Variants in CPXM2 observed in about 807,000 individuals in gnomAD.
CPXM2 encodes inactive carboxypeptidase-like protein X2.
In CPXM2, 66 loss-of-function variants were observed where a neutral mutation model predicts 86.1. The observed-to-expected ratio is 0.77, with a 90% confidence interval of 0.63 to 0.94. The LOEUF is 0.94. Ranked by LOEUF, CPXM2 falls within the 40% of genes least tolerant of loss-of-function variation. The probability of loss-of-function intolerance (pLI) is 0.00; values close to 1 mark genes in which losing one functional copy is unlikely to be tolerated. For synonymous variants in CPXM2, 388 were observed against 400.2 expected, an observed-to-expected ratio of 0.97 and a Z score of 0.36; for missense variants, 948 against 1,026.3, an observed-to-expected ratio of 0.92 and a Z score of 1.04.
intron 4 of CPXM2, among the ~76,000 whole-genome samples, chr10:123,812,549 A>C (rs904595847): frequency 6.6e-6 from 1 of 152,192 alleles, no homozygotes; most frequent in Non-Finnish European, 1.5e-5. Flanking sequence ...CTAACAGGAC[A>C]ATATTCTAGC....
intron 10 of CPXM2, among the ~76,000 whole-genome samples, chr10:123,763,523 G>A (rs906447808): frequency 4.6e-5 from 7 of 151,082 alleles, no homozygotes; most frequent in East Asian, 1.9e-4. Context: ...AAAATATATC[G>A]TTTGGGTTTA....
At chr10:123,853,173 T>G (rs1298512821) in intron 3 of CPXM2, among the ~76,000 whole-genome samples, 1 of 152,166 alleles carries the variant, frequency 6.6e-6, no homozygotes, top group Non-Finnish European at 1.5e-5. Context: ...ATGTAAGCAG[T>G]GCCTGCCTCC....
intron 3 of CPXM2, chr10:123,843,315 A>G (rs1040092454): frequency 2.6e-5 from 12 of 454,778 alleles, no homozygotes; most frequent in Non-Finnish European, 4.4e-5. Context: ...TTTTCTCTAT[A>G]TTATCACCAT....
intron 3 of CPXM2, among the ~76,000 whole-genome samples, chr10:123,861,671 G>A (rs544082071): frequency 7.2e-5 from 11 of 152,216 alleles, no homozygotes; most frequent in Admixed American, 7.2e-4. Flanking sequence ...TGCCTTTGCT[G>A]GCTCTGAAGA....
chr10:123,887,058 T>C (rs1249768895), intron 1 of CPXM2: 1 of 152,164 alleles, frequency 6.6e-6, no homozygotes, highest in Non-Finnish European at 1.5e-5. Flanking sequence ...ATCTAGAAAC[T>C]GTCAAATTCA....
chr10:123,799,028 C>T, intron 5 of CPXM2, 87 bp downstream of exon 5: 2 of 1,470,372 alleles, frequency 1.4e-6, no homozygotes, highest in Admixed American at 3.4e-5. Context: ...CCACAAATCT[C>T]CAAAGAGTTG....
At chr10:123,808,266 T>C (rs1847621234) in intron 4 of CPXM2, among the ~76,000 whole-genome samples, 1 of 152,142 alleles carries the variant, frequency 6.6e-6, no homozygotes, top group Non-Finnish European at 1.5e-5. Context: ...CTTCTACTAG[T>C]GTACAACTAG....
chr10:123,847,434 G>A (rs940003364), intron 3 of CPXM2, among the ~76,000 whole-genome samples: 1 of 152,076 alleles, frequency 6.6e-6, no homozygotes, highest in Non-Finnish European at 1.5e-5. Context: ...GCTGAGGCAG[G>A]AGAATTGCTT....
At chr10:123,857,582 G>GCTGAGTT (rs1341106169) in intron 3 of CPXM2, among the ~76,000 whole-genome samples, 6 of 144,256 alleles carry the variant, frequency 4.2e-5, no homozygotes, top group South Asian at 2.5e-4. Context: ...GCGTGGAGAT[G>GCTGAGTT]GAAGGCGGCG....
chr10:123,826,512 T>A (rs1165718440), intron 4 of CPXM2, among the ~76,000 whole-genome samples: 1 of 150,230 alleles, frequency 6.7e-6, no homozygotes, highest in East Asian at 2.0e-4. Context: ...GAAGGAGGAG[T>A]AGAGGAAGGG....
intron 1 of CPXM2, among the ~76,000 whole-genome samples, chr10:123,887,392 T>C (rs577586524): frequency 6.6e-6 from 1 of 152,234 alleles, no homozygotes; most frequent in South Asian, 2.1e-4. Context: ...ACAGTGGTGG[T>C]GGTTCCATGA....
chr10:123,892,795 G>T (rs573476148), upstream of CPXM2, among the ~76,000 whole-genome samples: 8 of 152,188 alleles, frequency 5.3e-5, no homozygotes, highest in African/African-American at 1.2e-4. Flanking sequence ...TAGGACTGAC[G>T]TGCAGTTCAC....
At chr10:123,799,776 C>T (rs1314026337) in intron 4 of CPXM2, among the ~76,000 whole-genome samples, 2 of 152,124 alleles carry the variant, frequency 1.3e-5, no homozygotes, top group Non-Finnish European at 2.9e-5. Context: ...GATGGCTGGA[C>T]CCAAATAAAT....
intron 4 of CPXM2, among the ~76,000 whole-genome samples, chr10:123,826,456 A>C (rs1248728965): frequency 6.6e-6 from 1 of 152,228 alleles, no homozygotes; most frequent in African/African-American, 2.4e-5. Context: ...AACATTTAAC[A>C]ATGCAAAGGT....
rs570728181 is a variant in CPXM2, at chr10:123,750,184, G to A, written c.2018-3167C>T. The A allele has an allele frequency of 4.6e-3, 4,573 of 985,232 alleles. 13 individuals are homozygous for A. The highest frequency in any genetic ancestry group is 5.2e-3 in the Non-Finnish European group (4,304 of 829,886). The allele number at this position is 985,232 out of a possible 1,614,324, so 61.0% of individuals were successfully genotyped here. A position where few individuals can be genotyped will look rare whatever the true frequency, so the allele number is the denominator to read the frequency against. ...TTCAAGAAATTTGTTCTGTCCTTGT[G>A]GCCCTGTCAGATAAGCCCTCTAATT... On this transcript the variant is annotated intron_variant, in intron 13 of 13. Coordinates refer to ENST00000241305, the MANE Select transcript of CPXM2 (RefSeq NM_198148.3).
At chr10:123,879,511 C>G (rs1945046855) in intron 2 of CPXM2, among the ~76,000 whole-genome samples, 1 of 152,044 alleles carries the variant, frequency 6.6e-6, no homozygotes, top group South Asian at 2.1e-4. Flanking sequence ...CAGGGGGGCA[C>G]TAGGGGATGC....
At chr10:123,782,095 A>T (rs1023236385) in intron 6 of CPXM2, among the ~76,000 whole-genome samples, 4 of 152,248 alleles carry the variant, frequency 2.6e-5, no homozygotes, top group Non-Finnish European at 5.9e-5. Flanking sequence ...TTGTCCACAC[A>T]AGAAAGCAAA....
At chr10:123,757,453 G>GGCCT (rs1287527386) in intron 11 of CPXM2, 101 bp from the exon 12 acceptor site, 2 of 1,025,460 alleles carry the variant, frequency 2.0e-6, no homozygotes, top group East Asian at 4.8e-5. Context: ...ACATTCGGAA[G>GGCCT]GCCTTGTTTA....
intron 7 of CPXM2, among the ~76,000 whole-genome samples, chr10:123,779,320 G>A (rs1846881397): frequency 6.6e-6 from 1 of 152,164 alleles, no homozygotes; most frequent in South Asian, 2.1e-4. Context: ...TTTTTAGCTT[G>A]TCCTAATAAA....
Sources: gnomAD v4.1 joint callset for allele counts (sites outside exome capture counted in the v4.1 genomes callset) on GRCh38, gnomAD v4.1.1 for gene constraint, MANE v1.5 for transcripts, NCBI Gene and HGNC (gene_info 2026-07-23, HGNC 2026-07-21) for gene names.